Variants in RBFOX1 observed in about 807,000 individuals in gnomAD.
RBFOX1 encodes RNA binding fox-1 homolog 1.
In RBFOX1, 8 loss-of-function variants were observed where a neutral mutation model predicts 57.7. The ratio of observed to expected loss-of-function variants is 0.14; its 90% confidence interval spans 0.08 to 0.25. The LOEUF is 0.25. RBFOX1 is among the 10% of genes least tolerant of loss of function. The probability of loss-of-function intolerance (pLI) is 1.00; values close to 1 mark genes in which losing one functional copy is unlikely to be tolerated. For missense variants in RBFOX1, 611 were observed against 548.5 expected, an observed-to-expected ratio of 1.11 and a Z score of -1.14; for synonymous variants, 326 against 222.4, an observed-to-expected ratio of 1.47 and a Z score of -4.15.
chr16:7,149,634 C>A (rs1001344463), intron 4 of RBFOX1, among the ~76,000 whole-genome samples: 1 of 151,854 alleles, frequency 6.6e-6, no homozygotes, highest in South Asian at 2.1e-4. Context: ...TACAGGTGCA[C>A]ACCACCGTGC....
At chr16:6,285,095 C>G (rs2076767591) in intron 1 of RBFOX1, among the ~76,000 whole-genome samples, 1 of 152,030 alleles carries the variant, frequency 6.6e-6, no homozygotes. Context: ...TTTTCAGATA[C>G]TTACTGTAGG....
intron 4 of RBFOX1, among the ~76,000 whole-genome samples, chr16:7,432,475 C>T (rs2098689838): frequency 6.6e-6 from 1 of 152,184 alleles, no homozygotes; most frequent in South Asian, 2.1e-4. Context: ...GGTTGCATTG[C>T]ACCTTAAAGA....
At chr16:6,779,997 T>A (rs868660421) in intron 3 of RBFOX1, among the ~76,000 whole-genome samples, 15 of 5,530 alleles carry the variant, frequency 2.7e-3, no homozygotes, top group South Asian at 7.7e-3. Context: ...ATTTATATAT[T>A]TATATATATT....
At chr16:5,288,895 G>T (rs1382344465) in intron 1 of RBFOX1, among the ~76,000 whole-genome samples, 2 of 152,136 alleles carry the variant, frequency 1.3e-5, no homozygotes, top group South Asian at 2.1e-4. Flanking sequence ...GGGAGGCCAG[G>T]GCAAGTGGGT....
chr16:5,730,932 G>A (rs527615749), intron 3 of RBFOX1, among the ~76,000 whole-genome samples: 43 of 148,458 alleles, frequency 2.9e-4, no homozygotes, highest in African/African-American at 1.0e-3. Flanking sequence ...TGTCACTGGT[G>A]TCACCATCAT....
At chr16:6,674,257 A>G (rs1017037201) in intron 3 of RBFOX1, among the ~76,000 whole-genome samples, 3 of 152,178 alleles carry the variant, frequency 2.0e-5, no homozygotes, top group Non-Finnish European at 4.4e-5. Context: ...TTATCAAGTT[A>G]AAATGACGTC....
intron 4 of RBFOX1, among the ~76,000 whole-genome samples, chr16:7,367,513 A>G (rs1277405485): frequency 6.6e-6 from 1 of 152,162 alleles, no homozygotes; most frequent in Admixed American, 6.5e-5. Flanking sequence ...CCCTCTGCCT[A>G]TATCATCGTG....
At chr16:6,106,907 G>T (rs147461979) in intron 1 of RBFOX1, among the ~76,000 whole-genome samples, 1 of 151,972 alleles carries the variant, frequency 6.6e-6, no homozygotes, top group East Asian at 1.9e-4. Flanking sequence ...TCCTGACCTC[G>T]TGATCTGCCC....
At chr16:6,510,806 G>T (rs959074331) in intron 2 of RBFOX1, among the ~76,000 whole-genome samples, 1 of 151,654 alleles carries the variant, frequency 6.6e-6, no homozygotes, top group South Asian at 2.1e-4. Context: ...GACTGCTAAA[G>T]GTTTTTGTCA....
chr16:7,593,933 G>A (rs2094564908), intron 7 of RBFOX1, among the ~76,000 whole-genome samples: 3 of 152,036 alleles, frequency 2.0e-5, no homozygotes, highest in Admixed American at 1.3e-4. Context: ...AGCCTATTCC[G>A]ACTGTTGAAA....
chr16:5,329,046 T>A (rs1242618867), intron 1 of RBFOX1, among the ~76,000 whole-genome samples: 1 of 152,246 alleles, frequency 6.6e-6, no homozygotes, highest in Non-Finnish European at 1.5e-5. Flanking sequence ...CCAGGCACCA[T>A]GCTGAAAGTT....
At chr16:6,387,433 A>G (rs371198547) in intron 2 of RBFOX1, among the ~76,000 whole-genome samples, 4 of 149,222 alleles carry the variant, frequency 2.7e-5, no homozygotes, top group African/African-American at 9.8e-5. Context: ...CTTGCTTGTG[A>G]GGGAAGAGCC....
chr16:5,832,066 A>G (rs1022351714), intron 3 of RBFOX1, among the ~76,000 whole-genome samples: 2 of 152,152 alleles, frequency 1.3e-5, no homozygotes, highest in Non-Finnish European at 2.9e-5. Context: ...ATGATTCAGG[A>G]CCCTGTGTTG....
At position 7,288,476 on chromosome 16, in the gene RBFOX1, G is replaced by A. The variant is rs1459757501; in HGVS notation, c.28-229671G>A. 2.0e-5 allele frequency among the ~76,000 whole-genome samples: 3 copies of A among 152,322 alleles called. No individual in the cohort carries two copies. In the East Asian group the frequency reaches 5.8e-4, roughly 29 times the overall value. On this transcript the variant is annotated intron_variant, in intron 4 of 15. Coordinates refer to ENST00000550418, the MANE Select transcript of RBFOX1 (RefSeq NM_018723.4). ...TTGCTTATCAGATTTCTGGGAAGATGAAATAAGATAATGAATGTAAAACCC... is the reference window on the plus strand; with the variant it reads ...TTGCTTATCAGATTTCTGGGAAGATAAAATAAGATAATGAATGTAAAACCC...
At chr16:5,453,000 TG>T (rs920721190) in intron 1 of RBFOX1, among the ~76,000 whole-genome samples, 17 of 152,200 alleles carry the variant, frequency 1.1e-4, no homozygotes, top group Admixed American at 6.5e-5. Flanking sequence ...TCACTGCTCC[TG>T]GGCATTTCAG....
At chr16:7,035,549 A>G (rs1407165478) in intron 3 of RBFOX1, among the ~76,000 whole-genome samples, 2 of 152,110 alleles carry the variant, frequency 1.3e-5, no homozygotes, top group Admixed American at 6.5e-5. Flanking sequence ...TCTGAACGCT[A>G]CTTGTGAAAA....
Position 7,648,659 on chromosome 16 carries a change from C to G in RBFOX1, c.758-5156C>G, listed in dbSNP as rs567981896. ...TTATTTTATTCAGGGACTGTTGTTGCTGGGTTGTCAGAGAGCATGGTCTGG... is the reference window on the plus strand; with the variant it reads ...TTATTTTATTCAGGGACTGTTGTTGGTGGGTTGTCAGAGAGCATGGTCTGG... On this transcript the variant is annotated intron_variant, in intron 11 of 15. Transcript: ENST00000550418. Among the ~76,000 whole-genome samples the G allele has an allele frequency of 2.1e-4, 32 of 152,232 alleles. No homozygotes were observed. The South Asian group carries it at 2.3e-3, about 11-fold the overall frequency.
intron 1 of RBFOX1, among the ~76,000 whole-genome samples, chr16:6,146,017 G>C (rs1431247933): frequency 6.6e-6 from 1 of 152,224 alleles, no homozygotes; most frequent in Non-Finnish European, 1.5e-5. Context: ...TGGAGGTTAA[G>C]ATGATAATCT....
At chr16:6,164,570 G>A (rs969728030) in intron 1 of RBFOX1, among the ~76,000 whole-genome samples, 17 of 151,444 alleles carry the variant, frequency 1.1e-4, no homozygotes, top group South Asian at 1.0e-3. Context: ...AGATTCAAGC[G>A]ATTCTCATGC....
Sources: gnomAD v4.1 joint callset for allele counts (sites outside exome capture counted in the v4.1 genomes callset) on GRCh38, gnomAD v4.1.1 for gene constraint, MANE v1.5 for transcripts, NCBI Gene and HGNC (gene_info 2026-07-23, HGNC 2026-07-21) for gene names.